Variants in SPACA6 observed in about 807,000 individuals in gnomAD.
SPACA6 encodes sperm acrosome associated 6.
For synonymous variants in SPACA6, 6 were observed against 1.5 expected (o/e 4.05, Z -2.21); for missense variants, 8 against 2.8 (o/e 2.88, Z -1.34).
intron 2 of SPACA6, among the ~76,000 whole-genome samples, 163 bp downstream of exon 2, chr19:51,694,718 AGGCTGAAGGCAGCTCTAAGAGCCAGG>A (rs1488385500): frequency 1.3e-5 from 2 of 148,234 alleles, no homozygotes; most frequent in Non-Finnish European, 3.0e-5. Context: ...GTCCAAACGA[AGGCTGAAGGCAGCTCTAAGAGCCAGG>A]GGCTGAAGGT....
At chr19:51,697,653 C>T (rs2083439848) in intron 2 of SPACA6, among the ~76,000 whole-genome samples, 1 of 152,108 alleles carries the variant, frequency 6.6e-6, no homozygotes. Flanking sequence ...TTTTGCGTCT[C>T]CTCCAGAGGG....
chr19:51,684,264 A>G (rs1568610390), upstream of SPACA6, among the ~76,000 whole-genome samples: 1 of 152,168 alleles, frequency 6.6e-6, no homozygotes, highest in Non-Finnish European at 1.5e-5. Context: ...TGCAAAAACT[A>G]TAACTAGTCT....
At chr19:51,699,362 C>A (rs1239998596) in intron 2 of SPACA6, among the ~76,000 whole-genome samples, 1 of 152,192 alleles carries the variant, frequency 6.6e-6, no homozygotes, top group Non-Finnish European at 1.5e-5. Context: ...ATGGCTACAA[C>A]TTGGTCACAT....
At chr19:51,692,764 G>C, upstream of SPACA6, 1 of 534,466 alleles carries the variant, frequency 1.9e-6, no homozygotes, top group Non-Finnish European at 3.8e-6. The surrounding 1 kb of genome is among the most constrained non-coding windows in gnomAD (Gnocchi z 5.6). Context: ...CTGTCTGTCG[G>C]GTCTGTCCAC....
At position 51,703,116 on chromosome 19, in the gene SPACA6, CG is replaced by C. The variant is rs1249360106; in HGVS notation, c.463+22del. 1 of 399,068 alleles carries C rather than the reference CG, an allele frequency of 2.5e-6. No homozygotes were observed. Among genetic ancestry groups the C allele is most frequent in the Non-Finnish European group, 4.4e-6 (1 of 226,320 alleles). 24.7% of individuals were successfully genotyped at this position (399,068 alleles called of 1,614,324 possible). A position where few individuals can be genotyped will look rare whatever the true frequency, so the allele number is the denominator to read the frequency against. ...CTGCCCAGGTGAGGGGGCGGGGCCT[CG>C]GGGTGCAGGAGGCCAACCTGAGAAA... On this transcript the variant is annotated intron_variant, in intron 5 of 8. Transcript: ENST00000637797. The surrounding 1 kb of genome is among the most constrained non-coding windows in gnomAD (Gnocchi z 4.2).
chr19:51,700,125 G>C (rs1045052209), intron 2 of SPACA6, among the ~76,000 whole-genome samples: 1 of 152,146 alleles, frequency 6.6e-6, no homozygotes, highest in Non-Finnish European at 1.5e-5. Context: ...ATGGTGGTGG[G>C]TGCCTGTAAT....
Position 51,704,497 on chromosome 19 carries a change from C to T in SPACA6, c.941+17C>T. On this transcript the variant is annotated intron_variant, in intron 8 of 8. Coordinates refer to ENST00000637797, the MANE Select transcript of SPACA6 (RefSeq NM_001316972.2). Reference sequence around the variant, plus strand: ...GTTGGCGTGGTGAGTTCTGGGGACTCCGGAGCCCCAGCATCTAGCTCCCCG... The same window carrying T: ...GTTGGCGTGGTGAGTTCTGGGGACTTCGGAGCCCCAGCATCTAGCTCCCCG... 1 of 401,082 alleles carries T rather than the reference C, an allele frequency of 2.5e-6. No individual in the cohort carries two copies. Among genetic ancestry groups the T allele is most frequent in the East Asian group, 3.6e-5 (1 of 28,044 alleles). The allele number at this position is 401,082 out of a possible 1,614,324, so 24.8% of individuals were successfully genotyped here. A position where few individuals can be genotyped will look rare whatever the true frequency, so the allele number is the denominator to read the frequency against.
At chr19:51,707,107 A>G (rs748661081), downstream of SPACA6, among the ~76,000 whole-genome samples, 1 of 152,142 alleles carries the variant, frequency 6.6e-6, no homozygotes, top group Non-Finnish European at 1.5e-5. Flanking sequence ...CTATTTTGTC[A>G]TGTATTTTCA....
At chr19:51,693,089 C>T (rs2083389710), upstream of SPACA6, 1 of 365,652 alleles carries the variant, frequency 2.7e-6, no homozygotes, top group African/African-American at 2.1e-5. Context: ...GATCCTCTGA[C>T]TCCCTCTTAT....
chr19:51,686,758 T>C (rs775543557), upstream of SPACA6: 3 of 152,192 alleles, frequency 2.0e-5, no homozygotes, highest in Non-Finnish European at 2.9e-5. Flanking sequence ...ATCCTTACAA[T>C]TGGGATAATA....
chr19:51,707,601 C>A (rs1000008875), downstream of SPACA6, among the ~76,000 whole-genome samples: 1 of 152,130 alleles, frequency 6.6e-6, no homozygotes, highest in Non-Finnish European at 1.5e-5. Context: ...CCAACCAGTT[C>A]TCCAACTCTC....
upstream of SPACA6, chr19:51,686,824 C>G (rs1249602791): frequency 6.6e-6 from 1 of 152,156 alleles, no homozygotes; most frequent in Non-Finnish European, 1.5e-5. Context: ...ATAACAAATA[C>G]TCATCCCAGG....
intron 2 of SPACA6, among the ~76,000 whole-genome samples, chr19:51,699,383 G>A (rs373288038): frequency 1.3e-5 from 2 of 152,132 alleles, no homozygotes; most frequent in African/African-American, 4.8e-5. Context: ...GACCACAACT[G>A]CAAGGAAGGC....
chr19:51,701,114 C>T (rs536783053), intron 2 of SPACA6, among the ~76,000 whole-genome samples: 3 of 152,038 alleles, frequency 2.0e-5, no homozygotes, highest in South Asian at 4.1e-4. Context: ...CCCTGCTACT[C>T]GGGAGGCTAG....
chr19:51,690,823 T>A (rs1461919585), upstream of SPACA6, among the ~76,000 whole-genome samples: 2 of 149,184 alleles, frequency 1.3e-5, no homozygotes, highest in Non-Finnish European at 3.0e-5. Flanking sequence ...CGGCTTCCCC[T>A]CTCCCCTCAC....
upstream of SPACA6, among the ~76,000 whole-genome samples, chr19:51,691,401 G>A (rs1160168930): frequency 6.6e-6 from 1 of 150,940 alleles, no homozygotes; most frequent in Admixed American, 6.6e-5. Context: ...AGGGGGTGGA[G>A]AAGGGTGAGA....
chr19:51,694,262 A>G, intron 1 of SPACA6: 1 of 344,628 alleles, frequency 2.9e-6, no homozygotes, highest in East Asian at 4.3e-5. Context: ...GGCAGAGACT[A>G]GGGGAAGCAG....
At chr19:51,706,160 C>T (rs28473660), downstream of SPACA6, among the ~76,000 whole-genome samples, 1 of 152,100 alleles carries the variant, frequency 6.6e-6, no homozygotes. Context: ...TCCCATACCC[C>T]TTTCCTCCTT....
upstream of SPACA6, among the ~76,000 whole-genome samples, chr19:51,684,838 T>A (rs1203939809): frequency 1.3e-5 from 2 of 152,196 alleles, no homozygotes; most frequent in Non-Finnish European, 2.9e-5. Flanking sequence ...CAAGCTTGAT[T>A]TAGATCATCT....
Sources: gnomAD v4.1 joint callset for allele counts (sites outside exome capture counted in the v4.1 genomes callset) on GRCh38, gnomAD v4.1.1 for gene constraint, Gnocchi (gnomAD v3.1) non-coding constraint, MANE v1.5 for transcripts, NCBI Gene and HGNC (gene_info 2026-07-23, HGNC 2026-07-21) for gene names.